FGD4: variants seen among roughly 807,000 people sequenced by gnomAD.
FGD4 encodes FYVE, RhoGEF and PH domain-containing protein 4.
A neutral mutation model predicts 102.0 loss-of-function variants in FGD4; 42 were observed. The observed-to-expected ratio is 0.41, with a 90% CI of 0.32 to 0.53. The LOEUF (loss-of-function observed/expected upper bound fraction) is 0.53, where lower values mean the gene tolerates loss of function less well. Ranked by LOEUF, FGD4 falls within the 20% of genes least tolerant of loss-of-function variation. The probability of loss-of-function intolerance (pLI) is 0.21; values close to 1 mark genes in which losing one functional copy is unlikely to be tolerated. For synonymous variants in FGD4, 380 were observed against 375.7 expected (o/e 1.01, Z -0.13); for missense variants, 902 against 1,078.2 (o/e 0.84, Z 2.29).
rs188691824 is a variant in FGD4, at chr12:32,622,412, A to C, written c.1923-2010A>C. ...GGCTAATTGGTGAGGAATTTTCTTA[A>C]GTACAGGCAATCATCACTTTATAAC... On this transcript the variant is annotated intron_variant, in intron 11 of 16. Coordinates refer to ENST00000534526, the MANE Select transcript of FGD4 (RefSeq NM_001370298.3). 5.9e-5 allele frequency among the ~76,000 whole-genome samples: 9 copies of C among 152,298 alleles called. No individual in the cohort carries two copies. In the East Asian group the frequency reaches 1.7e-3, roughly 29 times the overall value.
chr12:32,635,873 G>A (rs147034965), intron 15 of FGD4, among the ~76,000 whole-genome samples: 30 of 151,966 alleles, frequency 2.0e-4, no homozygotes, highest in Admixed American at 5.2e-4. Context: ...ATTAGCCCGC[G>A]TAGTGGTGTG....
intron 6 of FGD4, 144 bp from the exon 7 acceptor site, chr12:32,602,017 A>T: frequency 1.4e-6 from 1 of 705,590 alleles, no homozygotes; most frequent in Non-Finnish European, 2.4e-6. Flanking sequence ...GAGAGTGCTG[A>T]AGCTGGAGGA....
chr12:32,400,989 G>A lies in FGD4; in HGVS notation c.166+1030G>A, dbSNP rs188707006. Among the ~76,000 whole-genome samples the A allele has an allele frequency of 2.4e-3, 373 of 152,286 alleles. 5 individuals carry two copies. The highest frequency in any genetic ancestry group is 5.2e-3 in the Admixed American group (79 of 15,294). ...AGTAGATAAGGGCAGAAATTGTGAG[G>A]TGAGAAAATATGTAAACAAGTAACT... is the stretch of plus-strand genomic sequence containing the variant. On this transcript the variant is annotated intron_variant, in intron 1 of 16. Transcript: ENST00000534526.
chr12:32,483,637 A>G (rs553601110), intron 1 of FGD4, among the ~76,000 whole-genome samples: 4 of 152,334 alleles, frequency 2.6e-5, no homozygotes, highest in South Asian at 2.1e-4. Context: ...ACTCATTGGC[A>G]TATGGTCAGT....
intron 3 of FGD4, among the ~76,000 whole-genome samples, chr12:32,577,957 G>A (rs77195282): frequency 0.01 from 1,576 of 152,224 alleles, 27 homozygotes; most frequent in African/African-American, 0.036. Flanking sequence ...CAAAGGCTGC[G>A]TCCTCTCATC....
chr12:32,612,926 T>C lies in FGD4; in HGVS notation c.1749+1643T>C, dbSNP rs139004008. Among the ~76,000 whole-genome samples, 889 of 152,284 alleles carry C rather than the reference T, an allele frequency of 5.8e-3. 27 individuals carry two copies. Among genetic ancestry groups the C allele is most frequent in the Non-Finnish European group, 3.0e-3 (204 of 68,018 alleles). On this transcript the variant is annotated intron_variant, in intron 10 of 16. Transcript: ENST00000534526. ...GGGCATCCAGACAATTTTTTTTTCT[T>C]TGGATTCTGTCCACCTGACCTTTAC...
chr12:32,544,988 G>T lies in FGD4; in HGVS notation c.167-19149G>T, dbSNP rs1020292053. Among the ~76,000 whole-genome samples, 4 of 152,150 alleles carry T rather than the reference G, an allele frequency of 2.6e-5. No homozygotes were observed. The highest frequency in any genetic ancestry group is 1.5e-5 in the Non-Finnish European group (1 of 68,030). On this transcript the variant is annotated intron_variant, in intron 1 of 16. Coordinates refer to ENST00000534526, the MANE Select transcript of FGD4 (RefSeq NM_001370298.3). The surrounding 1 kb of genome is among the most constrained non-coding windows in gnomAD (Gnocchi z 4.1). ...TTAAGTGGTTTGGGGTGCAACCCAG[G>T]TATTGCAGTTTTCTTTCTTAAAGTT...
At chr12:32,494,562 A>G (rs746722165) in intron 1 of FGD4, among the ~76,000 whole-genome samples, 11 of 152,232 alleles carry the variant, frequency 7.2e-5, no homozygotes, top group Non-Finnish European at 1.5e-4. Context: ...TACTGGTGAT[A>G]CCTGTTTTTA....
intron 14 of FGD4, among the ~76,000 whole-genome samples, chr12:32,630,963 C>A (rs1270842095): frequency 1.3e-5 from 2 of 151,830 alleles, no homozygotes; most frequent in Non-Finnish European, 2.9e-5. Flanking sequence ...GGGTGACAGA[C>A]CCCAGGTCTT....
chr12:32,576,598 C>T (rs574053963), intron 3 of FGD4, 149 bp downstream of exon 3: 44 of 879,932 alleles, frequency 5.0e-5, no homozygotes, highest in South Asian at 3.5e-4. Context: ...ATTTTTAAAA[C>T]GAATGACTTA....
intron 1 of FGD4, among the ~76,000 whole-genome samples, chr12:32,442,756 C>G (rs1942487814): frequency 6.6e-6 from 1 of 152,034 alleles, no homozygotes; most frequent in Non-Finnish European, 1.5e-5. Flanking sequence ...CAGAGTTTCA[C>G]CATGTTGCCC....
intron 1 of FGD4, among the ~76,000 whole-genome samples, chr12:32,439,856 T>C (rs1474834621): frequency 6.6e-6 from 1 of 152,170 alleles, no homozygotes; most frequent in Non-Finnish European, 1.5e-5. Context: ...GTGCTTCATT[T>C]TTTTTTTCTT....
intron 15 of FGD4, among the ~76,000 whole-genome samples, chr12:32,636,930 GTGCGATCTCAGCTCAC>G (rs981980329): frequency 6.7e-6 from 1 of 149,256 alleles, no homozygotes; most frequent in African/African-American, 2.5e-5. Flanking sequence ...GAGTGCAGTG[GTGCGATCTCAGCTCAC>G]TGCAATCTCT....
chr12:32,501,504 G>C (rs1167591909), intron 1 of FGD4, among the ~76,000 whole-genome samples: 1 of 152,060 alleles, frequency 6.6e-6, no homozygotes, highest in Admixed American at 6.5e-5. Flanking sequence ...ATAAAATTAA[G>C]ATATTTTAAT....
chr12:32,609,049 A>G (rs1401286426), intron 8 of FGD4, among the ~76,000 whole-genome samples: 7 of 152,142 alleles, frequency 4.6e-5, no homozygotes, highest in Non-Finnish European at 7.4e-5. Context: ...ATTTTAGTAG[A>G]GACGGGTTTT....
chr12:32,555,291 T>G (rs1943998854), intron 1 of FGD4, among the ~76,000 whole-genome samples: 1 of 152,138 alleles, frequency 6.6e-6, no homozygotes, highest in Non-Finnish European at 1.5e-5. Flanking sequence ...TACTATTGAT[T>G]CAGAGAAAAC....
chr12:32,468,828 T>C (rs904884352), intron 1 of FGD4, among the ~76,000 whole-genome samples: 3 of 152,122 alleles, frequency 2.0e-5, no homozygotes, highest in Non-Finnish European at 4.4e-5. Context: ...GGTGGTTTCT[T>C]TTTTTGTTGT....
chr12:32,623,244 T>C (rs933510192), intron 11 of FGD4, among the ~76,000 whole-genome samples: 2 of 152,218 alleles, frequency 1.3e-5, no homozygotes, highest in South Asian at 4.1e-4. Flanking sequence ...TAAAGACTTG[T>C]TGGGTTTCTC....
At chr12:32,578,414 T>A (rs1287282222) in intron 3 of FGD4, among the ~76,000 whole-genome samples, 1 of 152,188 alleles carries the variant, frequency 6.6e-6, no homozygotes, top group African/African-American at 2.4e-5. Flanking sequence ...ACCTTCCTTA[T>A]GAGAGCTTAG....
Sources: allele counts gnomAD v4.1 joint callset (sites outside exome capture counted in the v4.1 genomes callset), GRCh38; gene constraint gnomAD v4.1.1; non-coding constraint Gnocchi (gnomAD v3.1); transcripts MANE v1.5; gene names NCBI Gene and HGNC (gene_info 2026-07-23, HGNC 2026-07-21).